The following WDFY4 variants were observed in gnomAD, a reference collection of about 807,000 sequenced individuals.
WDFY4 encodes WD repeat- and FYVE domain-containing protein 4.
A neutral mutation model predicts 351.9 loss-of-function variants in WDFY4; 169 were observed. The observed-to-expected ratio is 0.48, with a 90% CI of 0.42 to 0.55. The LOEUF is 0.55. Ranked by LOEUF, WDFY4 falls within the 20% of genes least tolerant of loss-of-function variation. The pLI, the probability that WDFY4 is intolerant of heterozygous loss-of-function variation, is 0.00. For synonymous variants in WDFY4, 1,622 were observed against 1,574.6 expected, an observed-to-expected ratio of 1.03 and a Z score of -0.71; for missense variants, 3,803 against 3,935.6, an observed-to-expected ratio of 0.97 and a Z score of 0.90.
At chr10:48,730,624 G>C (rs1180408987) in intron 8 of WDFY4, among the ~76,000 whole-genome samples, 8 of 152,200 alleles carry the variant, frequency 5.3e-5, no homozygotes, top group Non-Finnish European at 7.3e-5. Context: ...TTAATCCGCT[G>C]AAACCAATCC....
rs937720935 is a variant in WDFY4 at position 48,830,892 on chromosome 10, A to G, written c.6526+7A>G. On this transcript the variant is annotated splice_region_variant and intron_variant, in intron 38 of 61. Coordinates refer to ENST00000325239, the MANE Select transcript of WDFY4 (RefSeq NM_001394531.1). ...GCCTGGCAGCATTACTTAGGTCTCT[A>G]TCCACTCGGCTCCAGGGAATGGGAA... 37 of 1,548,498 alleles carry G rather than the reference A, an allele frequency of 2.4e-5. No homozygotes were observed. The African/African-American group carries it at 4.9e-4, about 21-fold the overall frequency.
At chr10:48,874,187 G>A (rs913287816) in intron 41 of WDFY4, among the ~76,000 whole-genome samples, 1 of 152,232 alleles carries the variant, frequency 6.6e-6, no homozygotes, top group Non-Finnish European at 1.5e-5. Flanking sequence ...TTGAGCCAGT[G>A]ATCCACTCAT....
chr10:48,790,613 G>A, intron 22 of WDFY4, 114 bp from the exon 23 acceptor site: 2 of 1,232,000 alleles, frequency 1.6e-6, no homozygotes, highest in South Asian at 3.0e-5. Context: ...GGTCCCTCTG[G>A]CTGTGGATGG....
intron 17 of WDFY4, 61 bp from the exon 18 acceptor site, chr10:48,778,550 T>G: frequency 1.3e-6 from 2 of 1,498,800 alleles, no homozygotes. Flanking sequence ...ATAGTGAATC[T>G]GAACATGCAT....
At chr10:48,783,731 T>A (rs1398799304) in intron 19 of WDFY4, among the ~76,000 whole-genome samples, 2 of 152,204 alleles carry the variant, frequency 1.3e-5, no homozygotes, top group Admixed American at 1.3e-4. Flanking sequence ...ATTTAACCTC[T>A]CATTTAACCT....
intron 4 of WDFY4, 23 bp downstream of exon 4, chr10:48,721,390 C>G (rs2064083585): frequency 8.4e-6 from 13 of 1,549,278 alleles, no homozygotes; most frequent in Non-Finnish European, 1.1e-5. Flanking sequence ...CCATCAGCCT[C>G]TGCCCTGGGC....
intron 19 of WDFY4, among the ~76,000 whole-genome samples, chr10:48,782,733 A>C (rs1184745249): frequency 6.6e-6 from 1 of 152,258 alleles, no homozygotes; most frequent in Non-Finnish European, 1.5e-5. Flanking sequence ...AGCCCTTCTC[A>C]AAATGCTGAG....
At chr10:48,812,190 G>GTTTTTTTTTTTTTTTTTTTTTTTT (rs199764757) in intron 30 of WDFY4, among the ~76,000 whole-genome samples, 2 of 137,532 alleles carry the variant, frequency 1.5e-5, no homozygotes, top group Non-Finnish European at 1.5e-5. Flanking sequence ...TTTTTTTTTT[G>GTTTTTTTTTTTTTTTTTTTTTTTT]TTTTTTTTGT....
intron 21 of WDFY4, among the ~76,000 whole-genome samples, chr10:48,789,533 GCAGCCCTCA>G (rs759583618): frequency 3.3e-5 from 5 of 152,210 alleles, no homozygotes; most frequent in African/African-American, 7.2e-5. Flanking sequence ...TGAGAAGGTG[GCAGCCCTCA>G]CCTTGGTAGC....
chr10:48,809,462 A>T (rs1038736879), intron 28 of WDFY4, among the ~76,000 whole-genome samples: 2 of 151,866 alleles, frequency 1.3e-5, no homozygotes, highest in African/African-American at 4.8e-5. Context: ...CAGCATCTTC[A>T]CCACCAGCAT....
chr10:48,736,090 T>C lies in WDFY4; in HGVS notation c.1878+20T>C. 6 of 1,551,534 alleles carry C rather than the reference T, an allele frequency of 3.9e-6. No homozygotes were observed. The East Asian group carries it at 1.5e-4, about 38-fold the overall frequency. On this transcript the variant is annotated intron_variant, in intron 11 of 61. Coordinates refer to ENST00000325239, the MANE Select transcript of WDFY4 (RefSeq NM_001394531.1). ...CTGAAGGTGATTTCAAGTCCTCCTT[T>C]GAGATTGGCTTCCCTGTGGATATGC...
chr10:48,865,080 G>A (rs764414121), intron 39 of WDFY4, among the ~76,000 whole-genome samples: 4 of 152,144 alleles, frequency 2.6e-5, no homozygotes, highest in Non-Finnish European at 5.9e-5. Context: ...GTCCTGTCTA[G>A]AACCTTCAGT....
intron 24 of WDFY4, among the ~76,000 whole-genome samples, chr10:48,802,161 GC>G (rs2067108450): frequency 6.6e-6 from 1 of 151,894 alleles, no homozygotes; most frequent in Non-Finnish European, 1.5e-5. Flanking sequence ...GAACACTTGA[GC>G]CCAAGAATTA....
intron 24 of WDFY4, among the ~76,000 whole-genome samples, chr10:48,801,125 G>A (rs1565214461): frequency 6.6e-6 from 1 of 152,198 alleles, no homozygotes; most frequent in African/African-American, 2.4e-5. Flanking sequence ...ACATTATACA[G>A]TCCATACTCA....
intron 47 of WDFY4, chr10:48,910,210 A>G: frequency 5.2e-6 from 7 of 1,347,538 alleles, no homozygotes; most frequent in Non-Finnish European, 7.3e-6. Context: ...TTAGCTGAGT[A>G]GTCTTCAAGA....
chr10:48,733,800 G>A, intron 9 of WDFY4, 131 bp from the exon 10 acceptor site: 1 of 765,478 alleles, frequency 1.3e-6, no homozygotes, highest in Admixed American at 2.5e-5. Flanking sequence ...TTACTAATTG[G>A]GATACACACT....
At chr10:48,904,010 T>C (rs1837492736) in intron 47 of WDFY4, among the ~76,000 whole-genome samples, 1 of 152,128 alleles carries the variant, frequency 6.6e-6, no homozygotes, top group African/African-American at 2.4e-5. Flanking sequence ...GGAAGCCAGG[T>C]AGAGTGACTC....
intron 35 of WDFY4, among the ~76,000 whole-genome samples, chr10:48,824,664 C>T (rs1283157974): frequency 1.4e-4 from 21 of 151,444 alleles, no homozygotes; most frequent in Admixed American, 1.4e-3. Flanking sequence ...AGACAAAGTT[C>T]CTGCCCTGTC....
intron 51 of WDFY4, among the ~76,000 whole-genome samples, chr10:48,949,810 A>G (rs749771227): frequency 3.9e-5 from 6 of 152,204 alleles, no homozygotes; most frequent in Non-Finnish European, 1.5e-5. Context: ...CCTGGGGCTC[A>G]TGTCCCAGCA....
Sources: gnomAD v4.1 joint callset for allele counts (sites outside exome capture counted in the v4.1 genomes callset) on GRCh38, gnomAD v4.1.1 for gene constraint, MANE v1.5 for transcripts, NCBI Gene and HGNC (gene_info 2026-07-23, HGNC 2026-07-21) for gene names.